The following KCNIP1 variants were observed in gnomAD, a reference collection of about 807,000 sequenced individuals.
The protein encoded by KCNIP1 is potassium voltage-gated channel interacting protein 1.
A neutral mutation model predicts 33.0 loss-of-function variants in KCNIP1; 18 were observed. That is an observed-to-expected ratio of 0.55 (90% CI 0.38 to 0.81). KCNIP1 has a LOEUF of 0.81. Ranked by LOEUF, KCNIP1 falls within the 30% of genes least tolerant of loss-of-function variation. The pLI is 0.00. For missense variants in KCNIP1, 238 were observed against 271.6 expected (o/e 0.88, Z 0.87); for synonymous variants, 93 against 98.3 (o/e 0.95, Z 0.32).
chr5:170,596,205 C>A (rs1424103605), intron 1 of KCNIP1, among the ~76,000 whole-genome samples: 1 of 152,164 alleles, frequency 6.6e-6, no homozygotes, highest in Non-Finnish European at 1.5e-5. Context: ...AATAGAATTC[C>A]CCCAGTCCCC....
chr5:170,674,153 A>G (rs1191458834), intron 1 of KCNIP1, among the ~76,000 whole-genome samples: 5 of 64,904 alleles, frequency 7.7e-5, no homozygotes, highest in African/African-American at 4.2e-4. Flanking sequence ...GGAAGGAAGG[A>G]AGGAAGGAAG....
rs138876886 is a variant in KCNIP1 at position 170,655,419 on chromosome 5, G to A, written c.62-63339G>A. 2.5e-3 allele frequency among the ~76,000 whole-genome samples: 382 copies of A among 152,318 alleles called. 1 individual carries two copies. Among genetic ancestry groups the A allele is most frequent in the Non-Finnish European group, 3.9e-3 (268 of 68,030 alleles). On this transcript the variant is annotated intron_variant, in intron 1 of 7. Coordinates refer to ENST00000328939, the MANE Select transcript of KCNIP1 (RefSeq NM_014592.4). ...CTGGAGAACTTCTTTAGCTGGCAAA[G>A]CTCAGTTTCTCCCCGGATCCCATTT...
chr5:170,428,873 G>A (rs1026700069), intron 1 of KCNIP1, among the ~76,000 whole-genome samples: 2 of 152,050 alleles, frequency 1.3e-5, no homozygotes, highest in Non-Finnish European at 2.9e-5. Context: ...TGCTGTGAGG[G>A]CTAAATAAAA....
intron 1 of KCNIP1, among the ~76,000 whole-genome samples, chr5:170,442,874 C>T (rs1442188202): frequency 1.3e-5 from 2 of 152,182 alleles, no homozygotes; most frequent in Non-Finnish European, 2.9e-5. Flanking sequence ...ATGTAGAATC[C>T]TGTGCCTTCA....
At chr5:170,515,663 G>T (rs916803452) in intron 1 of KCNIP1, among the ~76,000 whole-genome samples, 1 of 152,212 alleles carries the variant, frequency 6.6e-6, no homozygotes, top group Admixed American at 6.5e-5. Flanking sequence ...GAGGGCATAA[G>T]CAAATGTCCA....
chr5:170,599,165 G>GA lies in KCNIP1; in HGVS notation c.61+94536dup, dbSNP rs1392278754. ...CCTTCCTCTACCACATTTCTTCTCT[G>GA]AAAATTTGCCATTAATCACAGGTGA... On this transcript the variant is annotated intron_variant, in intron 1 of 7. Transcript: ENST00000328939. 7.9e-5 allele frequency among the ~76,000 whole-genome samples: 12 copies of GA among 152,158 alleles called. No homozygotes were observed. The South Asian group carries it at 1.5e-3, about 18-fold the overall frequency.
intron 1 of KCNIP1, chr5:170,642,053 A>G (rs1398074557): frequency 1.3e-5 from 2 of 151,876 alleles, no homozygotes; most frequent in Admixed American, 6.6e-5. Context: ...GACTCCAATT[A>G]CCTGTGCGTG....
At position 170,383,531 on chromosome 5, in the gene KCNIP1, G is replaced by A. The variant is rs1042340837; in HGVS notation, c.88+29567G>A. 13 of 844,458 alleles carry A rather than the reference G, an allele frequency of 1.5e-5. No individual in the cohort carries two copies. The African/African-American group carries it at 1.7e-4, about 11-fold the overall frequency. The allele number at this position is 844,458 out of a possible 1,614,324, so 52.3% of individuals were successfully genotyped here. On this transcript the variant is annotated intron_variant, in intron 1 of 7. Transcript: ENST00000377360. Reference sequence around the variant, plus strand: ...AGGTCTGTGTGACTCCAACACAGAAGAGCTAGGGCTGGCTCAGTCTCATTC... The same window carrying A: ...AGGTCTGTGTGACTCCAACACAGAAAAGCTAGGGCTGGCTCAGTCTCATTC...
At chr5:170,471,162 G>GGA (rs1235460373) in intron 1 of KCNIP1, among the ~76,000 whole-genome samples, 1 of 152,184 alleles carries the variant, frequency 6.6e-6, no homozygotes, top group African/African-American at 2.4e-5. Context: ...CTTGGGGAGA[G>GGA]GAGTGCCTGG....
intron 1 of KCNIP1, among the ~76,000 whole-genome samples, chr5:170,446,722 A>C (rs568559961): frequency 1.6e-4 from 24 of 152,284 alleles, no homozygotes. Flanking sequence ...GATTACAGGC[A>C]TGAGGCACTG....
intron 1 of KCNIP1, among the ~76,000 whole-genome samples, chr5:170,577,080 C>G (rs1041823248): frequency 1.9e-4 from 29 of 152,304 alleles, no homozygotes; most frequent in African/African-American, 5.8e-4. Flanking sequence ...AAGAGGGTGA[C>G]TGACTTCCTG....
chr5:170,456,957 C>T (rs1040540271), intron 1 of KCNIP1, among the ~76,000 whole-genome samples: 10 of 151,960 alleles, frequency 6.6e-5, no homozygotes, highest in Admixed American at 2.0e-4. Flanking sequence ...TAGGCTCAAG[C>T]GATCCTCCTG....
At chr5:170,624,728 G>A (rs1428271992) in intron 1 of KCNIP1, among the ~76,000 whole-genome samples, 1 of 62,670 alleles carries the variant, frequency 1.6e-5, no homozygotes, top group Non-Finnish European at 3.2e-5. Flanking sequence ...GGAGACCGGG[G>A]AGGTGGGGGG....
At chr5:170,572,986 G>T (rs978079244) in intron 1 of KCNIP1, among the ~76,000 whole-genome samples, 1 of 152,224 alleles carries the variant, frequency 6.6e-6, no homozygotes, top group Admixed American at 6.5e-5. Context: ...AGCCTTGGCA[G>T]TAACATTTTA....
At chr5:170,470,382 C>T (rs1756696065) in intron 1 of KCNIP1, among the ~76,000 whole-genome samples, 1 of 152,136 alleles carries the variant, frequency 6.6e-6, no homozygotes, top group Admixed American at 6.5e-5. Context: ...CTCCCCTAGA[C>T]CACCGTGAGC....
At chr5:170,635,831 G>T (rs1441023124) in intron 1 of KCNIP1, among the ~76,000 whole-genome samples, 1 of 152,388 alleles carries the variant, frequency 6.6e-6, no homozygotes, top group South Asian at 2.1e-4. Context: ...ACGCTGATGG[G>T]CTAGACCATG....
intron 1 of KCNIP1, among the ~76,000 whole-genome samples, chr5:170,366,481 C>T (rs990216448): frequency 6.6e-6 from 1 of 152,334 alleles, no homozygotes; most frequent in Admixed American, 6.5e-5. Context: ...TGGCCTGTCT[C>T]ACAGGGCACA....
intron 1 of KCNIP1, among the ~76,000 whole-genome samples, chr5:170,546,266 A>C (rs764417952): frequency 2.0e-5 from 3 of 152,184 alleles, no homozygotes; most frequent in African/African-American, 7.2e-5. Context: ...ACAGGGATTT[A>C]TGTCAGGCCC....
intron 1 of KCNIP1, among the ~76,000 whole-genome samples, chr5:170,481,364 GGA>G (rs1756972803): frequency 6.6e-6 from 1 of 151,790 alleles, no homozygotes; most frequent in Non-Finnish European, 1.5e-5. Flanking sequence ...TAGGGGTACA[GGA>G]GAGTTGTGGT....
Sources: gnomAD v4.1 joint callset for allele counts (sites outside exome capture counted in the v4.1 genomes callset) on GRCh38, gnomAD v4.1.1 for gene constraint, MANE v1.5 for transcripts, NCBI Gene and HGNC (gene_info 2026-07-23, HGNC 2026-07-21) for gene names.